CSMD1: variants seen among roughly 807,000 people sequenced by gnomAD.
CSMD1 encodes the protein CUB and Sushi multiple domains 1, also known as CUB and sushi domain-containing protein 1.
A neutral mutation model predicts 417.5 loss-of-function variants in CSMD1; 213 were observed. The ratio of observed to expected loss-of-function variants is 0.51; its 90% CI spans 0.46 to 0.57. The LOEUF (loss-of-function observed/expected upper bound fraction) is 0.57, where lower values mean the gene tolerates loss of function less well. Among genes scored for constraint, CSMD1 ranks in the 20% least tolerant of loss-of-function variants. The probability of loss-of-function intolerance (pLI) is 0.00; values close to 1 mark genes in which losing one functional copy is unlikely to be tolerated. For synonymous variants in CSMD1, 2,862 were observed against 1,736.8 expected (o/e 1.65, Z -16.11); for missense variants, 6,923 against 4,529.7 (o/e 1.53, Z -15.17).
intron 1 of CSMD1, among the ~76,000 whole-genome samples, chr8:4,667,778 T>G (rs771935358): frequency 6.6e-6 from 1 of 152,248 alleles, no homozygotes; most frequent in Admixed American, 6.5e-5. Flanking sequence ...AGAATTTTTC[T>G]ACATAGACTA....
chr8:4,454,632 G>C (rs528248541), intron 2 of CSMD1, among the ~76,000 whole-genome samples: 1 of 152,328 alleles, frequency 6.6e-6, no homozygotes, highest in South Asian at 2.1e-4. Context: ...AGCTGATAAA[G>C]AGACTAAGGC....
At position 4,692,602 on chromosome 8, in the gene CSMD1, G is replaced by A. The variant is rs546315560; in HGVS notation, c.86-55044C>T. ...GGGTGAGAGCGTTTCCAAGGATTCT[G>A]CAGGCAAAGCCATGTGGGGTCCGTG... is the stretch of plus-strand genomic sequence containing the variant. On this transcript the variant is annotated intron_variant, in intron 1 of 69. Transcript: ENST00000635120. Among the ~76,000 whole-genome samples, 6 of 152,286 alleles carry A rather than the reference G, an allele frequency of 3.9e-5. No homozygotes were observed. In the South Asian group the frequency reaches 1.2e-3, roughly 32 times the overall value.
rs138742493 is a variant in CSMD1 at position 4,974,849 on chromosome 8, G to A, written c.85+19483C>T. On this transcript the variant is annotated intron_variant, in intron 1 of 69. Coordinates refer to ENST00000635120, the MANE Select transcript of CSMD1 (RefSeq NM_033225.6). Reference sequence around the variant, plus strand: ...TCCCAATGATGATGTATGTTATTAAGCATTATAACTATGTTGCAACTGTAT... The same window carrying A: ...TCCCAATGATGATGTATGTTATTAAACATTATAACTATGTTGCAACTGTAT... 1.2e-4 allele frequency among the ~76,000 whole-genome samples: 19 copies of A among 152,258 alleles called. 1 individual carries two copies. In the East Asian group the frequency reaches 3.3e-3, roughly 26 times the overall value.
At chr8:3,589,379 GGT>G (rs58729391) in intron 8 of CSMD1, among the ~76,000 whole-genome samples, 58,219 of 149,896 alleles carry the variant, frequency 0.39, 12,134 homozygotes, top group East Asian at 0.49. Flanking sequence ...AAGAAAATGT[GGT>G]GTGTGTGTGT....
At chr8:4,319,869 G>C (rs534370829) in intron 3 of CSMD1, among the ~76,000 whole-genome samples, 1 of 152,114 alleles carries the variant, frequency 6.6e-6, no homozygotes, top group African/African-American at 2.4e-5. Context: ...AGGTAACAGA[G>C]GTACCCAAGG....
chr8:3,835,485 A>T (rs78711456), intron 5 of CSMD1, among the ~76,000 whole-genome samples: 3 of 151,426 alleles, frequency 2.0e-5, no homozygotes, highest in South Asian at 2.1e-4. Context: ...ACCAAACACC[A>T]CATGTTCTCA....
chr8:3,130,294 G>A (rs1817726104), intron 41 of CSMD1, among the ~76,000 whole-genome samples: 1 of 152,060 alleles, frequency 6.6e-6, no homozygotes, highest in African/African-American at 2.4e-5. Context: ...TGGGAGAGAA[G>A]CACAACATTC....
In CSMD1 at chr8:2,991,917, C is replaced by G. The variant is rs551337974; in HGVS notation, c.8377+6094G>C. On this transcript the variant is annotated intron_variant, in intron 54 of 69. Coordinates refer to ENST00000635120, the MANE Select transcript of CSMD1 (RefSeq NM_033225.6). ...AATTTCGTTTAAGAAGGTGACTACA[C>G]AGCGAAAACCTGACGTTATTTCCTA... Among the ~76,000 whole-genome samples the G allele has an allele frequency of 2.0e-5, 3 of 152,268 alleles. No homozygotes were observed. In the South Asian group the frequency reaches 6.2e-4, roughly 32 times the overall value.
chr8:4,435,712 G>T (rs942148529), intron 2 of CSMD1, among the ~76,000 whole-genome samples: 4 of 152,148 alleles, frequency 2.6e-5, no homozygotes, highest in African/African-American at 9.7e-5. Context: ...TCTGTGTGGG[G>T]CTGTGGCTGC....
chr8:4,021,385 A>G (rs1336283498), intron 4 of CSMD1, among the ~76,000 whole-genome samples: 2 of 152,170 alleles, frequency 1.3e-5, no homozygotes, highest in Non-Finnish European at 2.9e-5. Context: ...TTTTAACTTC[A>G]TCTGTGGCTC....
intron 6 of CSMD1, among the ~76,000 whole-genome samples, chr8:3,725,556 G>C (rs555765454): frequency 2.0e-5 from 3 of 152,234 alleles, no homozygotes; most frequent in South Asian, 4.1e-4. Flanking sequence ...TGAGCTGCTT[G>C]TATTAAGTAG....
At chr8:4,787,336 C>G (rs1797457047) in intron 1 of CSMD1, 1 of 732,242 alleles carries the variant, frequency 1.4e-6, no homozygotes, top group East Asian at 2.6e-5. Flanking sequence ...AGGATAATGG[C>G]GACAGCTGAG....
intron 2 of CSMD1, among the ~76,000 whole-genome samples, chr8:4,559,751 T>A (rs1014357626): frequency 3.3e-4 from 50 of 152,340 alleles, no homozygotes; most frequent in African/African-American, 1.2e-3. Context: ...TCACAAATAG[T>A]GAGTCAGTTG....
chr8:2,996,517 G>C (rs531740997), intron 54 of CSMD1, among the ~76,000 whole-genome samples: 1 of 152,198 alleles, frequency 6.6e-6, no homozygotes, highest in East Asian at 1.9e-4. Context: ...GAAGTATCAG[G>C]CCTGTGCAGT....
chr8:4,364,248 C>T (rs1012430442), intron 3 of CSMD1, among the ~76,000 whole-genome samples: 8 of 152,068 alleles, frequency 5.3e-5, no homozygotes, highest in African/African-American at 1.9e-4. Context: ...AAATGCTTTA[C>T]ATCTCAAAGG....
chr8:4,414,739 T>C (rs1796833627), intron 3 of CSMD1, among the ~76,000 whole-genome samples: 1 of 152,200 alleles, frequency 6.6e-6, no homozygotes, highest in Non-Finnish European at 1.5e-5. Flanking sequence ...AAGTTGTGGT[T>C]GAGTTCAGAT....
At chr8:4,436,493 G>C (rs914054786) in intron 2 of CSMD1, among the ~76,000 whole-genome samples, 6 of 152,006 alleles carry the variant, frequency 3.9e-5, no homozygotes, top group Non-Finnish European at 8.8e-5. Flanking sequence ...TCAGGTTGAG[G>C]GGTATCTCTC....
At chr8:4,839,282 A>T (rs1368097469) in intron 1 of CSMD1, among the ~76,000 whole-genome samples, 1 of 152,198 alleles carries the variant, frequency 6.6e-6, no homozygotes, top group Non-Finnish European at 1.5e-5. Flanking sequence ...TCATTCATTC[A>T]TCTATTTGTT....
chr8:3,463,409 T>C (rs998107765), intron 12 of CSMD1, among the ~76,000 whole-genome samples: 17 of 152,190 alleles, frequency 1.1e-4, no homozygotes, highest in Non-Finnish European at 1.8e-4. Context: ...AGGTACACAT[T>C]ATAAACGCTT....
Sources: gnomAD v4.1 joint callset for allele counts (sites outside exome capture counted in the v4.1 genomes callset) on GRCh38, gnomAD v4.1.1 for gene constraint, MANE v1.5 for transcripts, NCBI Gene and HGNC (gene_info 2026-07-23, HGNC 2026-07-21) for gene names.